Variants in IRF2 observed in about 807,000 individuals in gnomAD.
IRF2 encodes the protein interferon regulatory factor 2.
In IRF2, 15 loss-of-function variants were observed where a neutral mutation model predicts 40.6. That is an observed-to-expected ratio of 0.37 (90% confidence interval 0.25 to 0.57). IRF2 has a LOEUF of 0.57. Ranked by LOEUF, IRF2 falls within the 20% of genes least tolerant of loss-of-function variation. The probability of loss-of-function intolerance (pLI) is 0.77; values close to 1 mark genes in which losing one functional copy is unlikely to be tolerated. For synonymous variants in IRF2, 151 were observed against 165.5 expected (o/e 0.91, Z 0.67); for missense variants, 317 against 455.7 (o/e 0.70, Z 2.77).
At chr4:184,410,614 G>T (rs1278887043) in intron 5 of IRF2, among the ~76,000 whole-genome samples, 1 of 152,108 alleles carries the variant, frequency 6.6e-6, no homozygotes, top group Non-Finnish European at 1.5e-5. Flanking sequence ...CCCTCAAAAA[G>T]AACTAAGCAC....
At chr4:184,446,545 G>A (rs1453174066) in intron 1 of IRF2, among the ~76,000 whole-genome samples, 2 of 152,322 alleles carry the variant, frequency 1.3e-5, no homozygotes, top group South Asian at 4.1e-4. Context: ...ATATACCAGG[G>A]TAATGGAAGT....
At chr4:184,437,801 C>T (rs1738138413) in intron 1 of IRF2, among the ~76,000 whole-genome samples, 2 of 146,130 alleles carry the variant, frequency 1.4e-5, no homozygotes, top group South Asian at 4.3e-4. Context: ...AACTACTGCT[C>T]TGGGTCAGGA....
At chr4:184,437,036 C>T (rs1182110787) in intron 1 of IRF2, among the ~76,000 whole-genome samples, 1 of 152,050 alleles carries the variant, frequency 6.6e-6, no homozygotes, top group Admixed American at 6.6e-5. Context: ...CAGGTGCATC[C>T]ACTACACCCA....
chr4:184,397,186 C>T (rs753738667), intron 7 of IRF2, among the ~76,000 whole-genome samples: 9 of 152,296 alleles, frequency 5.9e-5, no homozygotes, highest in South Asian at 2.1e-4. Flanking sequence ...ATTCCACTTA[C>T]GCTCCTAGCA....
intron 1 of IRF2, among the ~76,000 whole-genome samples, chr4:184,438,983 A>G (rs974415890): frequency 6.6e-6 from 1 of 152,208 alleles, no homozygotes; most frequent in African/African-American, 2.4e-5. Flanking sequence ...CTGAAATCAG[A>G]AAGACGTTTA....
At position 184,474,074 on chromosome 4, in the gene IRF2, C is replaced by T. The variant is rs908080221; in HGVS notation, c.-7+305G>A. On this transcript the variant is annotated intron_variant, in intron 1 of 8. Coordinates refer to ENST00000393593, the MANE Select transcript of IRF2 (RefSeq NM_002199.4). This position sits in a 1 kb window ranked among gnomAD's most constrained non-coding sequence, Gnocchi z 5.6. ...CAAATCCAAAAGTGAAATTAAACCTCCACCAACCTCCTCCTCCTCCTCCCT... is the reference window on the plus strand; with the variant it reads ...CAAATCCAAAAGTGAAATTAAACCTTCACCAACCTCCTCCTCCTCCTCCCT... 1 of 153,268 alleles carries T rather than the reference C, an allele frequency of 6.5e-6. No homozygotes were observed. The highest frequency in any genetic ancestry group is 2.4e-5 in the African/African-American group (1 of 41,376). The allele number at this position is 153,268 out of a possible 1,614,324, so 9.5% of individuals were successfully genotyped here. A position where few individuals can be genotyped will look rare whatever the true frequency, so the allele number is the denominator to read the frequency against.
chr4:184,458,962 G>GATCTGTTA (rs1739037876), intron 1 of IRF2, among the ~76,000 whole-genome samples: 1 of 151,694 alleles, frequency 6.6e-6, no homozygotes, highest in African/African-American at 2.4e-5. Context: ...TGTTATTACG[G>GATCTGTTA]CAATATTTTT....
At chr4:184,440,996 T>C (rs1177901110) in intron 1 of IRF2, among the ~76,000 whole-genome samples, 1 of 152,196 alleles carries the variant, frequency 6.6e-6, no homozygotes, top group Non-Finnish European at 1.5e-5. Flanking sequence ...CGTCTCGCCA[T>C]ACCTTGAAAG....
Position 184,474,264 on chromosome 4 carries a change from A to G in IRF2, c.-7+115T>C, listed in dbSNP as rs1739643541. The G allele has an allele frequency of 6.6e-6, 1 of 152,304 alleles. No individual in the cohort carries two copies. Among genetic ancestry groups the G allele is most frequent in the Non-Finnish European group, 1.5e-5 (1 of 68,140 alleles). The allele number at this position is 152,304 out of a possible 1,614,324, so 9.4% of individuals were successfully genotyped here. A position where few individuals can be genotyped will look rare whatever the true frequency, so the allele number is the denominator to read the frequency against. ...ATGAACCCCGGCATTTTCCGTCTGC[A>G]AAACATCGTGTCAAGGCATCAGGAC... On this transcript the variant is annotated intron_variant, in intron 1 of 8. Coordinates refer to ENST00000393593, the MANE Select transcript of IRF2 (RefSeq NM_002199.4). This position sits in a 1 kb window ranked among gnomAD's most constrained non-coding sequence, Gnocchi z 5.6.
chr4:184,429,129 G>T, intron 1 of IRF2, 59 bp from the exon 2 acceptor site: 1 of 1,357,446 alleles, frequency 7.4e-7, no homozygotes, highest in Non-Finnish European at 1.0e-6. Flanking sequence ...TGTCTGCACT[G>T]CAGAGTTCTA....
At chr4:184,421,362 A>G (rs1004798323) in intron 2 of IRF2, among the ~76,000 whole-genome samples, 1 of 152,238 alleles carries the variant, frequency 6.6e-6, no homozygotes, top group African/African-American at 2.4e-5. Flanking sequence ...TTCATTCTGT[A>G]TCATCCACAG....
At chr4:184,457,611 C>G (rs1738991071) in intron 1 of IRF2, among the ~76,000 whole-genome samples, 1 of 152,030 alleles carries the variant, frequency 6.6e-6, no homozygotes, top group African/African-American at 2.4e-5. Flanking sequence ...ATTTTTGTAC[C>G]TATTCATCAT....
At chr4:184,407,207 A>G in intron 6 of IRF2, 1 of 1,289,472 alleles carries the variant, frequency 7.8e-7, no homozygotes, top group South Asian at 1.2e-5. Flanking sequence ...GAGGCCTGTC[A>G]GGACAATTCA....
intron 7 of IRF2, among the ~76,000 whole-genome samples, chr4:184,396,034 TA>T (rs1736442126): frequency 6.6e-6 from 1 of 151,950 alleles, no homozygotes; most frequent in Non-Finnish European, 1.5e-5. Flanking sequence ...TCCAACCCCC[TA>T]AAAAAAGAAG....
intron 5 of IRF2, 113 bp downstream of exon 5, chr4:184,418,054 G>A (rs1459321516): frequency 1.5e-5 from 12 of 810,234 alleles, no homozygotes; most frequent in East Asian, 2.4e-5. Flanking sequence ...GAAGACACAA[G>A]CAAAGGAAGA....
At chr4:184,433,808 A>G (rs952910732) in intron 1 of IRF2, among the ~76,000 whole-genome samples, 8 of 152,258 alleles carry the variant, frequency 5.3e-5, no homozygotes, top group Admixed American at 3.9e-4. Context: ...GTGCATTACC[A>G]GTGCGCTTGC....
intron 1 of IRF2, among the ~76,000 whole-genome samples, chr4:184,449,923 G>A (rs1002760416): frequency 6.6e-6 from 1 of 152,168 alleles, no homozygotes; most frequent in African/African-American, 2.4e-5. Flanking sequence ...ACCTGAAACA[G>A]ATATAAAGAG....
chr4:184,420,768 C>G (rs1220165812), intron 2 of IRF2, among the ~76,000 whole-genome samples: 7 of 152,176 alleles, frequency 4.6e-5, no homozygotes. Context: ...GTTTTGTCTT[C>G]CTCCCACAGC....
At chr4:184,417,357 A>G (rs1737319058) in intron 5 of IRF2, among the ~76,000 whole-genome samples, 1 of 152,240 alleles carries the variant, frequency 6.6e-6, no homozygotes, top group South Asian at 2.1e-4. Context: ...GCATCACTGC[A>G]AAAACACCCT....
Sources: gnomAD v4.1 joint callset for allele counts (sites outside exome capture counted in the v4.1 genomes callset) on GRCh38, gnomAD v4.1.1 for gene constraint, Gnocchi (gnomAD v3.1) non-coding constraint, MANE v1.5 for transcripts, NCBI Gene and HGNC (gene_info 2026-07-23, HGNC 2026-07-21) for gene names.